The following XRCC5 variants were observed in gnomAD, a reference collection of about 807,000 sequenced individuals.
XRCC5 encodes the protein DNA repair protein Ku80.
In XRCC5, 12 loss-of-function variants were observed where a neutral mutation model predicts 95.7. That is an observed-to-expected ratio of 0.13 (90% CI 0.08 to 0.20). The LOEUF (loss-of-function observed/expected upper bound fraction) is 0.20, where lower values mean the gene tolerates loss of function less well. Ranked by LOEUF, XRCC5 falls within the 10% of genes least tolerant of loss-of-function variation. The pLI is 1.00. For synonymous variants in XRCC5, 281 were observed against 290.3 expected (o/e 0.97, Z 0.33); for missense variants, 595 against 873.9 (o/e 0.68, Z 4.02).
chr2:216,180,663 C>G (rs1235823477), intron 16 of XRCC5, among the ~76,000 whole-genome samples: 1 of 151,870 alleles, frequency 6.6e-6, no homozygotes, highest in African/African-American at 2.4e-5. Flanking sequence ...ATAACCTGGT[C>G]CATTATGGTA....
intron 6 of XRCC5, among the ~76,000 whole-genome samples, chr2:216,123,592 G>A (rs1270604289): frequency 1.3e-5 from 2 of 152,308 alleles, no homozygotes; most frequent in Non-Finnish European, 2.9e-5. Flanking sequence ...GATCACTTGA[G>A]GTCAGGAGTT....
In XRCC5 at chr2:216,131,105, G is replaced by A. The variant is rs930784733; in HGVS notation, c.1050+118G>A. 2.0e-5 allele frequency: 28 copies of A among 1,413,828 alleles called. 2 individuals carry two copies. In the Admixed American group the frequency reaches 5.0e-4, roughly 25 times the overall value. The allele number at this position is 1,413,828 out of a possible 1,614,324, so 87.6% of individuals were successfully genotyped here. A position where few individuals can be genotyped will look rare whatever the true frequency, so the allele number is the denominator to read the frequency against. ...ATTTCACTTTTAATTTTTCTAAAAT[G>A]TAGTCTGGGGGTTAATGTTGCCATG... On this transcript the variant is annotated intron_variant, in intron 9 of 20. Transcript: ENST00000392132.
chr2:216,130,236 C>CTTT (rs5838568), intron 8 of XRCC5, among the ~76,000 whole-genome samples: 4 of 125,686 alleles, frequency 3.2e-5, no homozygotes, highest in Admixed American at 1.5e-4. Context: ...CAGGGCTGGA[C>CTTT]TTTTTTTTTT....
intron 14 of XRCC5, among the ~76,000 whole-genome samples, chr2:216,149,490 C>G (rs977957383): frequency 6.6e-6 from 1 of 152,148 alleles, no homozygotes; most frequent in East Asian, 1.9e-4. Context: ...TTCACTTTCC[C>G]CCTGCTATCC....
Position 216,162,044 on chromosome 2 carries a change from G to A in XRCC5, c.1830G>A (p.Glu610=), listed in dbSNP as rs772059726. The A allele has an allele frequency of 7.4e-6, 12 of 1,614,008 alleles. No individual in the cohort carries two copies. In the African/African-American group the frequency reaches 1.2e-4, roughly 16 times the overall value. The stretch of plus-strand genomic sequence containing the variant: ...TGAAACAGAAGAAGGCCAGCTTTGA[G>A]GAAGGTGAGTGGTTGACTTTGCATT... ...VLVKQKKASF[E]EASNQLINHI... Residue 610 remains glutamate, a synonymous_variant, in exon 16 of 21, where the codon GAG becomes GAA. Coordinates refer to ENST00000392132, the MANE Select transcript of XRCC5 (RefSeq NM_021141.4).
chr2:216,152,587 T>C (rs1422367659), intron 14 of XRCC5, among the ~76,000 whole-genome samples: 1 of 151,926 alleles, frequency 6.6e-6, no homozygotes, highest in Admixed American at 6.6e-5. Flanking sequence ...TGAAATAGGG[T>C]ATTTATTTCA....
chr2:216,155,236 C>CAAAAAAA (rs10674711), intron 14 of XRCC5, among the ~76,000 whole-genome samples: 12 of 80,320 alleles, frequency 1.5e-4, no homozygotes, highest in African/African-American at 2.6e-4. Flanking sequence ...ACTCCCATCT[C>CAAAAAAA]AAAAAAAAAA....
At chr2:216,175,452 T>G (rs765647184) in intron 16 of XRCC5, 2 of 517,468 alleles carry the variant, frequency 3.9e-6, no homozygotes, top group South Asian at 1.4e-5. Flanking sequence ...CTTTTTCACT[T>G]TACAGTTGTG....
At chr2:216,191,946 A>G (rs765115513) in intron 17 of XRCC5, among the ~76,000 whole-genome samples, 6 of 152,202 alleles carry the variant, frequency 3.9e-5, no homozygotes, top group Non-Finnish European at 8.8e-5. Flanking sequence ...ATGGGAGAAG[A>G]AGGTCATAGT....
intron 7 of XRCC5, among the ~76,000 whole-genome samples, chr2:216,127,296 G>C (rs1420121583): frequency 6.6e-6 from 1 of 152,138 alleles, no homozygotes; most frequent in Non-Finnish European, 1.5e-5. Context: ...TGTATAGAAA[G>C]TGTGAATGTA....
At chr2:216,127,225 G>A (rs1315383542) in intron 7 of XRCC5, among the ~76,000 whole-genome samples, 2 of 152,070 alleles carry the variant, frequency 1.3e-5, no homozygotes, top group Non-Finnish European at 2.9e-5. Context: ...GAGCGATAGA[G>A]CAAGACTCTG....
chr2:216,195,335 G>A (rs967106999), intron 19 of XRCC5, among the ~76,000 whole-genome samples: 12 of 91,950 alleles, frequency 1.3e-4, no homozygotes, highest in East Asian at 6.5e-4. Context: ...TGGTGAGCTT[G>A]TTTTTCTTTT....
intron 19 of XRCC5, among the ~76,000 whole-genome samples, chr2:216,203,615 T>C (rs938830202): frequency 3.1e-4 from 47 of 152,366 alleles, no homozygotes; most frequent in African/African-American, 1.1e-3. Flanking sequence ...GCTGTATTAC[T>C]ATGTATCTGC....
intron 13 of XRCC5, among the ~76,000 whole-genome samples, chr2:216,142,894 G>A (rs913030677): frequency 6.6e-6 from 1 of 152,120 alleles, no homozygotes. Context: ...GTGAAGACTT[G>A]ACTCTGAATA....
At position 216,168,894 on chromosome 2, in the gene XRCC5, G is replaced by A. The variant is rs553980270; in HGVS notation, c.1834+6846G>A. Among the ~76,000 whole-genome samples, 3 of 152,330 alleles carry A rather than the reference G, an allele frequency of 2.0e-5. No homozygotes were observed. In the East Asian group the frequency reaches 5.8e-4, roughly 29 times the overall value. ...TACATTTTCCCCAAAGATCACATAG[G>A]AATTCAAACGCATGTCTCTTTCAAA... is the stretch of plus-strand genomic sequence containing the variant. On this transcript the variant is annotated intron_variant, in intron 16 of 20. Transcript: ENST00000392132.
chr2:216,115,456 AC>A (rs969719379), intron 2 of XRCC5, among the ~76,000 whole-genome samples: 1 of 152,160 alleles, frequency 6.6e-6, no homozygotes, highest in African/African-American at 2.4e-5. Context: ...GGCGGCAGAT[AC>A]CTGCCCAGCC....
At chr2:216,171,991 A>G (rs1222191669) in intron 16 of XRCC5, among the ~76,000 whole-genome samples, 1 of 152,214 alleles carries the variant, frequency 6.6e-6, no homozygotes, top group African/African-American at 2.4e-5. Context: ...CTCACACCCA[A>G]AAATTCCTGG....
chr2:216,116,374 A>T (rs1696696758), intron 2 of XRCC5, among the ~76,000 whole-genome samples: 1 of 152,174 alleles, frequency 6.6e-6, no homozygotes, highest in Non-Finnish European at 1.5e-5. Context: ...TGAGAATTAG[A>T]GTTTGATTTC....
chr2:216,187,881 C>CCT (rs1185649200), intron 16 of XRCC5, among the ~76,000 whole-genome samples: 8 of 108,536 alleles, frequency 7.4e-5, no homozygotes, highest in Non-Finnish European at 1.2e-4. Context: ...CCTGTCTCTC[C>CCT]CTCTCTCTCT....
Sources: allele counts gnomAD v4.1 joint callset (sites outside exome capture counted in the v4.1 genomes callset), GRCh38; gene constraint gnomAD v4.1.1; transcripts MANE v1.5; gene names NCBI Gene and HGNC (gene_info 2026-07-23, HGNC 2026-07-21).